ST6GALNAC3: variants seen among roughly 807,000 people sequenced by gnomAD.
ST6GALNAC3 encodes ST6 N-acetylgalactosaminide alpha-2,6-sialyltransferase 3, also known as alpha-N-acetylgalactosaminide alpha-2,6-sialyltransferase 3.
ST6GALNAC3 carries 25 observed loss-of-function variants against 32.7 expected under a neutral mutation model. The ratio of observed to expected loss-of-function variants is 0.76; its 90% confidence interval spans 0.56 to 1.07. The LOEUF (loss-of-function observed/expected upper bound fraction) is 1.07. Among genes scored for constraint, ST6GALNAC3 ranks in the 50% least tolerant of loss-of-function variants. The pLI, the probability that ST6GALNAC3 is intolerant of heterozygous loss-of-function variation, is 0.00. For synonymous variants in ST6GALNAC3, 129 were observed against 133.1 expected (o/e 0.97, Z 0.21); for missense variants, 355 against 382.4 (o/e 0.93, Z 0.60).
intron 3 of ST6GALNAC3, among the ~76,000 whole-genome samples, chr1:76,595,459 T>C (rs1647120610): frequency 6.6e-6 from 1 of 152,134 alleles, no homozygotes; most frequent in African/African-American, 2.4e-5. Flanking sequence ...CCTTTCCCTG[T>C]AATTTCTCCC....
chr1:76,566,467 T>A (rs1004479358), intron 3 of ST6GALNAC3, among the ~76,000 whole-genome samples: 2 of 152,028 alleles, frequency 1.3e-5, no homozygotes, highest in African/African-American at 4.8e-5. Flanking sequence ...GTTCCTCATC[T>A]CCTACCTCCA....
chr1:76,430,406 C>T (rs1340650079), intron 3 of ST6GALNAC3, among the ~76,000 whole-genome samples: 2 of 152,096 alleles, frequency 1.3e-5, no homozygotes, highest in African/African-American at 4.8e-5. Context: ...AGTTTGTTGC[C>T]AACTAGTCCC....
intron 1 of ST6GALNAC3, among the ~76,000 whole-genome samples, chr1:76,159,167 G>T (rs1651659362): frequency 6.6e-6 from 1 of 151,878 alleles, no homozygotes; most frequent in Admixed American, 6.6e-5. Context: ...GGAATGTTAG[G>T]CCTCTAGTCC....
chr1:76,530,233 C>T (rs982062028), intron 3 of ST6GALNAC3, among the ~76,000 whole-genome samples: 8 of 152,160 alleles, frequency 5.3e-5, no homozygotes, highest in African/African-American at 1.7e-4. Flanking sequence ...TACACTCTAA[C>T]CACTACCTTT....
chr1:76,428,076 C>T (rs1170669609), intron 3 of ST6GALNAC3, among the ~76,000 whole-genome samples: 1 of 152,042 alleles, frequency 6.6e-6, no homozygotes, highest in Non-Finnish European at 1.5e-5. Flanking sequence ...ATTTTCAGGA[C>T]CTACATCCAG....
At chr1:76,329,612 T>C (rs1647148468) in intron 2 of ST6GALNAC3, among the ~76,000 whole-genome samples, 4 of 152,184 alleles carry the variant, frequency 2.6e-5, no homozygotes, top group Admixed American at 2.6e-4. Flanking sequence ...GTGGTTTGCC[T>C]GTCTCACCTC....
intron 2 of ST6GALNAC3, among the ~76,000 whole-genome samples, chr1:76,398,033 A>G (rs1430045821): frequency 1.3e-5 from 2 of 152,150 alleles, no homozygotes; most frequent in African/African-American, 4.8e-5. Context: ...AGCTTCCAGA[A>G]CAGTGTAAAA....
intron 1 of ST6GALNAC3, among the ~76,000 whole-genome samples, chr1:76,092,983 C>T (rs538915876): frequency 5.9e-5 from 9 of 152,266 alleles, no homozygotes; most frequent in African/African-American, 1.7e-4. Flanking sequence ...GAGGCAGAGG[C>T]AGGTGGTTTG....
At chr1:76,329,849 C>T (rs965822081) in intron 2 of ST6GALNAC3, among the ~76,000 whole-genome samples, 8 of 151,828 alleles carry the variant, frequency 5.3e-5, no homozygotes, top group Admixed American at 3.9e-4. Context: ...TGCTCTGTCA[C>T]CCAGGCTGGA....
intron 1 of ST6GALNAC3, among the ~76,000 whole-genome samples, chr1:76,215,278 G>A (rs902869065): frequency 1.3e-5 from 2 of 152,214 alleles, no homozygotes; most frequent in African/African-American, 4.8e-5. Flanking sequence ...AGGACATGTA[G>A]TTTAACCTCA....
intron 1 of ST6GALNAC3, among the ~76,000 whole-genome samples, chr1:76,114,372 T>C (rs894100557): frequency 9.2e-5 from 14 of 152,184 alleles, no homozygotes; most frequent in African/African-American, 3.4e-4. Context: ...TGTAGTTGGT[T>C]ATCAGTTTCT....
At chr1:76,256,252 C>G (rs781409717) in intron 1 of ST6GALNAC3, among the ~76,000 whole-genome samples, 20 of 152,158 alleles carry the variant, frequency 1.3e-4, no homozygotes, top group Non-Finnish European at 1.8e-4. Flanking sequence ...CCTTCTCTCT[C>G]TCCAATTCTA....
At chr1:76,100,800 GTT>G (rs35416159) in intron 1 of ST6GALNAC3, among the ~76,000 whole-genome samples, 44 of 141,578 alleles carry the variant, frequency 3.1e-4, no homozygotes, top group African/African-American at 7.4e-4. Context: ...ATCAGAATCT[GTT>G]TTTTTTTTTT....
rs1438015456 is a variant in ST6GALNAC3 at position 76,499,714 on chromosome 1, G to A, written c.623+87297G>A. ...ATGCTAATAGAACCTCCCTCTTAGT[G>A]TGCAAGAGAGAAAATGAAGGAGGAA... is the stretch of plus-strand genomic sequence containing the variant. On this transcript the variant is annotated intron_variant, in intron 3 of 4. Transcript: ENST00000328299. Among the ~76,000 whole-genome samples the A allele has an allele frequency of 2.0e-5, 3 of 152,040 alleles. No homozygotes were observed. The South Asian group carries it at 6.2e-4, about 32-fold the overall frequency.
At chr1:76,530,318 A>G (rs1405582543) in intron 3 of ST6GALNAC3, among the ~76,000 whole-genome samples, 1 of 152,188 alleles carries the variant, frequency 6.6e-6, no homozygotes, top group Non-Finnish European at 1.5e-5. Flanking sequence ...GCAAACATGT[A>G]AACCAGCAGG....
intron 1 of ST6GALNAC3, among the ~76,000 whole-genome samples, chr1:76,252,857 C>T (rs1196264067): frequency 6.6e-6 from 1 of 152,124 alleles, no homozygotes; most frequent in Non-Finnish European, 1.5e-5. Flanking sequence ...AAGGCAATCT[C>T]TCATGGACCA....
chr1:76,173,149 T>C (rs904958484), intron 1 of ST6GALNAC3, among the ~76,000 whole-genome samples: 2 of 152,278 alleles, frequency 1.3e-5, no homozygotes, highest in Non-Finnish European at 1.5e-5. Flanking sequence ...TACTGACTAA[T>C]GGAGCAGAGT....
At position 76,509,658 on chromosome 1, in the gene ST6GALNAC3, G is replaced by A. The variant is rs141029949; in HGVS notation, c.623+97241G>A. ...CAGTTCGAAGTTAGAAGTCTAAAAT[G>A]GGTTGTTAGGGCTGCATTCCTTCTG... On this transcript the variant is annotated intron_variant, in intron 3 of 4. Coordinates refer to ENST00000328299, the MANE Select transcript of ST6GALNAC3 (RefSeq NM_152996.4). This position sits in a 1 kb window ranked among gnomAD's most constrained non-coding sequence, Gnocchi z 5.5. Among the ~76,000 whole-genome samples, 45 of 152,250 alleles carry A rather than the reference G, an allele frequency of 3.0e-4. No individual in the cohort carries two copies. Among genetic ancestry groups the A allele is most frequent in the African/African-American group, 1.0e-3 (43 of 41,552 alleles).
chr1:76,542,997 T>A (rs1570190747), intron 3 of ST6GALNAC3, among the ~76,000 whole-genome samples: 1 of 152,202 alleles, frequency 6.6e-6, no homozygotes, highest in South Asian at 2.1e-4. Flanking sequence ...GATTCTGCCA[T>A]CTTCTGAATG....
Sources: allele counts gnomAD v4.1 joint callset (sites outside exome capture counted in the v4.1 genomes callset), GRCh38; gene constraint gnomAD v4.1.1; non-coding constraint Gnocchi (gnomAD v3.1); transcripts MANE v1.5; gene names NCBI Gene and HGNC (gene_info 2026-07-23, HGNC 2026-07-21).